CRIM1: variants seen among roughly 807,000 people sequenced by gnomAD.
The protein encoded by CRIM1 is cysteine-rich motor neuron 1 protein.
Under a neutral mutation model 116.4 loss-of-function variants are expected in CRIM1, and 32 were observed. The ratio of observed to expected loss-of-function variants is 0.27; its 90% CI spans 0.21 to 0.37. CRIM1 has a LOEUF of 0.37. Among genes scored for constraint, CRIM1 ranks in the 10% least tolerant of loss-of-function variants. The pLI is 1.00. For missense variants in CRIM1, 1,331 were observed against 1,354.8 expected (o/e 0.98, Z 0.28); for synonymous variants, 590 against 509.2 (o/e 1.16, Z -2.13).
At chr2:36,486,836 T>C (rs1679857570) in intron 7 of CRIM1, among the ~76,000 whole-genome samples, 1 of 152,190 alleles carries the variant, frequency 6.6e-6, no homozygotes, top group South Asian at 2.1e-4. Flanking sequence ...CTTGAAATGA[T>C]AGGAATGTTT....
chr2:36,511,086 C>T (rs995315153), intron 9 of CRIM1, among the ~76,000 whole-genome samples: 3 of 152,078 alleles, frequency 2.0e-5, no homozygotes, highest in Non-Finnish European at 4.4e-5. Context: ...GGACTAGAGG[C>T]ATGCGCCACC....
intron 7 of CRIM1, among the ~76,000 whole-genome samples, chr2:36,495,056 C>T (rs1680484375): frequency 6.6e-6 from 1 of 152,064 alleles, no homozygotes; most frequent in Non-Finnish European, 1.5e-5. Context: ...GCTAGTTTAA[C>T]GGGGGACAGT....
intron 1 of CRIM1, 148 bp from the exon 2 acceptor site, chr2:36,396,466 A>T: frequency 1.9e-6 from 1 of 523,870 alleles, no homozygotes; most frequent in Non-Finnish European, 3.4e-6. Flanking sequence ...GGTTTCATTC[A>T]TTTGTAAAGT....
In CRIM1 at chr2:36,517,372, G is replaced by T; in HGVS notation, c.2036G>T (p.Cys679Phe). 6.2e-7 allele frequency: 1 copy of T among 1,614,178 alleles called. No individual in the cohort carries two copies. Among genetic ancestry groups the T allele is most frequent in the East Asian group, 2.2e-5 (1 of 44,872 alleles). The change falls in exon 12 of 17, where the codon TGC becomes TTC. Residue 679 changes from cysteine (C) to phenylalanine (F), a missense_variant. Physicochemically the swap from Cys to Phe is radical, Grantham distance 205 (BLOSUM62 -2). This residue lies in a region of CRIM1 where 358 missense variants were observed against 436.1 expected (regional missense o/e 0.82). Transcript: ENST00000280527. ...QKPELSTPSICHAPGGEYFVE... is the reference protein window; with the variant it reads ...QKPELSTPSIFHAPGGEYFVE... ...CCAGAGCTCAGTACTCCCTCCATTT[G>T]CCACGCCCCTGGAGGAGAATACTTT...
At chr2:36,547,467 C>T (rs188789948) in intron 16 of CRIM1, among the ~76,000 whole-genome samples, 30 of 152,204 alleles carry the variant, frequency 2.0e-4, no homozygotes, top group African/African-American at 7.0e-4. Flanking sequence ...TGGATTTATT[C>T]CTAAATCATT....
At chr2:36,492,501 G>A (rs1034898550) in intron 7 of CRIM1, among the ~76,000 whole-genome samples, 1 of 151,476 alleles carries the variant, frequency 6.6e-6, no homozygotes, top group African/African-American at 2.4e-5. Context: ...GTCTGCTTTA[G>A]TAGAGTTTTC....
chr2:36,375,208 A>G (rs1199797110), intron 1 of CRIM1, among the ~76,000 whole-genome samples: 1 of 152,204 alleles, frequency 6.6e-6, no homozygotes, highest in East Asian at 1.9e-4. Context: ...CTTATAAATT[A>G]AAACCAGAGG....
intron 14 of CRIM1, among the ~76,000 whole-genome samples, chr2:36,543,856 G>GACTT (rs1667129507): frequency 1.3e-5 from 2 of 152,168 alleles, no homozygotes; most frequent in Admixed American, 1.3e-4. Flanking sequence ...GGACATCTGA[G>GACTT]ACTTATACTC....
At position 36,451,656 on chromosome 2, in the gene CRIM1, T is replaced by C. The variant is rs181810267; in HGVS notation, c.869+8921T>C. Among the ~76,000 whole-genome samples the C allele has an allele frequency of 2.8e-3, 422 of 152,286 alleles. 1 individual carries two copies. Among genetic ancestry groups the C allele is most frequent in the African/African-American group, 9.5e-3 (394 of 41,558 alleles). On this transcript the variant is annotated intron_variant, in intron 4 of 16. Transcript: ENST00000280527. The stretch of plus-strand genomic sequence containing the variant: ...TTCCGTGGTAGAGCTTTCCAAAGTT[T>C]GTCAACTCTTATCTCCAGAGCTACA...
chr2:36,376,371 C>G lies in CRIM1; in HGVS notation c.331+19748C>G, dbSNP rs192547119. 5.1e-3 allele frequency among the ~76,000 whole-genome samples: 776 copies of G among 152,326 alleles called. 9 individuals carry two copies. The highest frequency in any genetic ancestry group is 0.018 in the African/African-American group (742 of 41,576). On this transcript the variant is annotated intron_variant, in intron 1 of 16. Coordinates refer to ENST00000280527, the MANE Select transcript of CRIM1 (RefSeq NM_016441.3). ...AAGCCTCCGTGACCTGTGTAAGCTG[C>G]AGGTTGAGGAGAATGTTTAAACAGT... is the stretch of plus-strand genomic sequence containing the variant.
chr2:36,547,555 G>A (rs2125197623), intron 16 of CRIM1, among the ~76,000 whole-genome samples: 1 of 152,302 alleles, frequency 6.6e-6, no homozygotes. Context: ...GAGAAAAAAA[G>A]TCCCAAAGGG....
intron 4 of CRIM1, among the ~76,000 whole-genome samples, chr2:36,453,571 A>G (rs1195168149): frequency 2.6e-5 from 4 of 152,234 alleles, no homozygotes; most frequent in African/African-American, 7.2e-5. Flanking sequence ...CCTAGCATCA[A>G]AACCCCATAG....
At chr2:36,465,507 T>C (rs1677936037) in intron 5 of CRIM1, among the ~76,000 whole-genome samples, 2 of 152,256 alleles carry the variant, frequency 1.3e-5, no homozygotes, top group South Asian at 4.1e-4. Flanking sequence ...TCATATCAAA[T>C]ACTTCCTGTA....
At chr2:36,357,242 A>T (rs553955072) in intron 1 of CRIM1, among the ~76,000 whole-genome samples, 5 of 151,828 alleles carry the variant, frequency 3.3e-5, no homozygotes, top group Non-Finnish European at 7.4e-5. Context: ...TTACTCATTT[A>T]TTTGCCCATT....
In CRIM1 at chr2:36,550,496, T is replaced by TTTCAAGTA. The variant is rs1470054511; in HGVS notation, c.*1798_*1805dup. 3 of 152,672 alleles carry TTTCAAGTA rather than the reference T, an allele frequency of 2.0e-5. No individual in the cohort carries two copies. The South Asian group carries it at 6.2e-4, about 32-fold the overall frequency. 9.5% of individuals were successfully genotyped at this position (152,672 alleles called of 1,614,324 possible). ...AATGTGTTCTGTTTTGTAAAGGAAC[T>TTTCAAGTA]TTCAAGTATTGTTGTAAATACTTGG... On this transcript the variant is annotated 3_prime_UTR_variant, in exon 17 of 17. Transcript: ENST00000280527.
At chr2:36,451,724 A>G (rs371958372) in intron 4 of CRIM1, among the ~76,000 whole-genome samples, 1 of 152,178 alleles carries the variant, frequency 6.6e-6, no homozygotes, top group South Asian at 2.1e-4. Flanking sequence ...GGGTGTTGGG[A>G]GGTGGGAGGA....
chr2:36,502,261 A>G (rs1681053944), intron 8 of CRIM1, among the ~76,000 whole-genome samples: 1 of 152,186 alleles, frequency 6.6e-6, no homozygotes, highest in African/African-American at 2.4e-5. Flanking sequence ...AGGAAGAGTC[A>G]AAATATGTCC....
chr2:36,356,240 C>T lies in CRIM1; in HGVS notation c.-53C>T. On this transcript the variant is annotated 5_prime_UTR_variant, in exon 1 of 17. Transcript: ENST00000280527. This position sits in a 1 kb window ranked among gnomAD's most constrained non-coding sequence, Gnocchi z 4.3. ...CGTGTGCCCCGCGCAGGGGAGGGCGCCCGCCCCGCTCCCGGCCCGGCTGCG... is the reference window on the plus strand; with the variant it reads ...CGTGTGCCCCGCGCAGGGGAGGGCGTCCGCCCCGCTCCCGGCCCGGCTGCG... 2 of 1,128,216 alleles carry T rather than the reference C, an allele frequency of 1.8e-6. No homozygotes were observed. Among genetic ancestry groups the T allele is most frequent in the Non-Finnish European group, 2.3e-6 (2 of 851,672 alleles). 69.9% of individuals were successfully genotyped at this position (1,128,216 alleles called of 1,614,324 possible).
At chr2:36,492,678 G>C (rs1486329669) in intron 7 of CRIM1, among the ~76,000 whole-genome samples, 1 of 152,148 alleles carries the variant, frequency 6.6e-6, no homozygotes, top group Non-Finnish European at 1.5e-5. Flanking sequence ...CAGCAAAACA[G>C]ACAAGCTTTG....
Sources: gnomAD v4.1 joint callset for allele counts (sites outside exome capture counted in the v4.1 genomes callset) on GRCh38, gnomAD v4.1.1 for gene constraint, gnomAD v4.1.1 regional missense constraint, Gnocchi (gnomAD v3.1) non-coding constraint, MANE v1.5 for transcripts, NCBI Gene and HGNC (gene_info 2026-07-23, HGNC 2026-07-21) for gene names.